ZFAND3: variants seen among roughly 807,000 people sequenced by gnomAD.
The protein encoded by ZFAND3 is AN1-type zinc finger protein 3.
In ZFAND3, 10 loss-of-function variants were observed where a neutral mutation model predicts 29.6. That is an observed-to-expected ratio of 0.34 (90% CI 0.21 to 0.57). The LOEUF (loss-of-function observed/expected upper bound fraction) is 0.57. Among genes scored for constraint, ZFAND3 ranks in the 20% least tolerant of loss-of-function variants. The probability of loss-of-function intolerance (pLI) is 0.86; values close to 1 mark genes in which losing one functional copy is unlikely to be tolerated. For missense variants in ZFAND3, 230 were observed against 304.5 expected (o/e 0.76, Z 1.82); for synonymous variants, 128 against 112.6 (o/e 1.14, Z -0.87).
At chr6:37,820,213 C>T (rs1427888992) in intron 1 of ZFAND3, among the ~76,000 whole-genome samples, 197 bp downstream of exon 1, 1 of 152,032 alleles carries the variant, frequency 6.6e-6, no homozygotes, top group African/African-American at 2.4e-5. Flanking sequence ...GAAGGCCCTG[C>T]CGGGGGTGCG....
At chr6:37,941,246 C>G (rs1315701604) in intron 2 of ZFAND3, among the ~76,000 whole-genome samples, 8 of 152,180 alleles carry the variant, frequency 5.3e-5, no homozygotes, top group Non-Finnish European at 7.3e-5. Flanking sequence ...AAGTAGTAGA[C>G]TTAGATGGAA....
intron 4 of ZFAND3, among the ~76,000 whole-genome samples, chr6:38,109,397 T>A (rs1463285200): frequency 6.6e-6 from 1 of 152,040 alleles, no homozygotes; most frequent in East Asian, 1.9e-4. Flanking sequence ...TTGGCCAGGA[T>A]GGTCTCAATC....
intron 2 of ZFAND3, among the ~76,000 whole-genome samples, chr6:37,997,669 G>T (rs1581825118): frequency 6.6e-6 from 1 of 152,160 alleles, no homozygotes; most frequent in Admixed American, 6.5e-5. Context: ...TTAACTGGAG[G>T]TGCTTTGCTT....
chr6:37,896,687 T>G (rs1280461813), intron 1 of ZFAND3, among the ~76,000 whole-genome samples: 2 of 151,230 alleles, frequency 1.3e-5, no homozygotes, highest in Non-Finnish European at 3.0e-5. Flanking sequence ...TGTGTCTGTG[T>G]GTGTGTGTGT....
At chr6:38,149,257 T>C (rs889803114) in intron 5 of ZFAND3, among the ~76,000 whole-genome samples, 2 of 151,430 alleles carry the variant, frequency 1.3e-5, no homozygotes, top group East Asian at 1.9e-4. Flanking sequence ...AAATAAAGTA[T>C]AAAAAAACAG....
In ZFAND3 at chr6:38,116,621, T is replaced by G; in HGVS notation, c.411T>G (p.Leu137=). 2 of 1,613,880 alleles carry G rather than the reference T, an allele frequency of 1.2e-6. No individual in the cohort carries two copies. Among genetic ancestry groups the G allele is most frequent in the Non-Finnish European group, 1.7e-6 (2 of 1,179,798 alleles). Reference sequence around the variant, plus strand: ...CACCAGTAAAACGGCCACGACTACTTGAGAATACGGAACGGTCCGAGGAAA... The same window carrying G: ...CACCAGTAAAACGGCCACGACTACTGGAGAATACGGAACGGTCCGAGGAAA... ...EASPVKRPRL[L]ENTERSEETS... is the part of the protein sequence containing the mutation. Residue 137 remains leucine, a synonymous_variant, in exon 5 of 6, where the codon CTT becomes CTG. Coordinates refer to ENST00000287218, the MANE Select transcript of ZFAND3 (RefSeq NM_021943.3).
At chr6:37,934,549 A>AT (rs1761660070) in intron 2 of ZFAND3, among the ~76,000 whole-genome samples, 1 of 146,560 alleles carries the variant, frequency 6.8e-6, no homozygotes, top group Non-Finnish European at 1.5e-5. Flanking sequence ...AAAAAAAAAA[A>AT]GTCCAGACCC....
chr6:37,844,263 T>C (rs1764135716), intron 1 of ZFAND3, among the ~76,000 whole-genome samples: 1 of 151,284 alleles, frequency 6.6e-6, no homozygotes, highest in African/African-American at 2.4e-5. Flanking sequence ...TTTCTGTCTT[T>C]CCTTGTCTTT....
chr6:37,889,046 T>C (rs149254290), intron 1 of ZFAND3, among the ~76,000 whole-genome samples: 329 of 152,286 alleles, frequency 2.2e-3, no homozygotes, highest in African/African-American at 7.3e-3. Context: ...TACACAATTA[T>C]TATTTCACTT....
intron 2 of ZFAND3, among the ~76,000 whole-genome samples, chr6:37,933,696 C>G (rs1490098664): frequency 1.3e-5 from 2 of 152,132 alleles, no homozygotes; most frequent in Non-Finnish European, 2.9e-5. Flanking sequence ...CCTGGCTGGG[C>G]TGGATTTGCT....
intron 1 of ZFAND3, among the ~76,000 whole-genome samples, chr6:37,837,830 A>G (rs769516853): frequency 2.6e-5 from 4 of 152,230 alleles, no homozygotes; most frequent in Non-Finnish European, 4.4e-5. Flanking sequence ...AAAGAACAAC[A>G]TATATAGAGA....
At chr6:38,090,737 T>C (rs1764849725) in intron 4 of ZFAND3, among the ~76,000 whole-genome samples, 1 of 152,216 alleles carries the variant, frequency 6.6e-6, no homozygotes, top group South Asian at 2.1e-4. Context: ...AGTCTGCTTC[T>C]ATTGTTTATG....
At chr6:37,960,857 G>C (rs1762182825) in intron 2 of ZFAND3, among the ~76,000 whole-genome samples, 1 of 151,950 alleles carries the variant, frequency 6.6e-6, no homozygotes, top group Non-Finnish European at 1.5e-5. Flanking sequence ...AGGCAAGAGG[G>C]TCACTTGAAT....
At chr6:37,946,116 T>C (rs1483777318) in intron 2 of ZFAND3, among the ~76,000 whole-genome samples, 2 of 152,208 alleles carry the variant, frequency 1.3e-5, no homozygotes, top group Admixed American at 1.3e-4. Flanking sequence ...GTATTCATTG[T>C]GGAGGTTCAG....
At chr6:38,071,845 A>G (rs562268727) in intron 3 of ZFAND3, among the ~76,000 whole-genome samples, 1 of 152,334 alleles carries the variant, frequency 6.6e-6, no homozygotes, top group African/African-American at 2.4e-5. Flanking sequence ...ATAGTACTCA[A>G]TAAATGGTTA....
intron 2 of ZFAND3, among the ~76,000 whole-genome samples, chr6:38,042,788 A>G (rs913715479): frequency 2.0e-5 from 3 of 152,222 alleles, no homozygotes; most frequent in African/African-American, 4.8e-5. Context: ...TGTATTTTCA[A>G]GAATAGATGG....
At chr6:37,887,684 T>C (rs1471885275) in intron 1 of ZFAND3, among the ~76,000 whole-genome samples, 2 of 152,252 alleles carry the variant, frequency 1.3e-5, no homozygotes, top group Non-Finnish European at 2.9e-5. Flanking sequence ...ATGCATCTTC[T>C]CTGTTAAATG....
chr6:38,051,053 G>A (rs1377745015), intron 2 of ZFAND3, among the ~76,000 whole-genome samples: 1 of 152,076 alleles, frequency 6.6e-6, no homozygotes, highest in Non-Finnish European at 1.5e-5. Context: ...AGCCCCTTAA[G>A]TCAGGAGCTG....
At chr6:37,830,048 A>G (rs1763832116) in intron 1 of ZFAND3, among the ~76,000 whole-genome samples, 2 of 152,350 alleles carry the variant, frequency 1.3e-5, no homozygotes, top group South Asian at 4.1e-4. Flanking sequence ...GAAAGCCACC[A>G]AATTTACCTA....
Sources: allele counts gnomAD v4.1 joint callset (sites outside exome capture counted in the v4.1 genomes callset), GRCh38; gene constraint gnomAD v4.1.1; transcripts MANE v1.5; gene names NCBI Gene and HGNC (gene_info 2026-07-23, HGNC 2026-07-21).